The following MAL variants were observed in gnomAD, a reference collection of about 807,000 sequenced individuals.
The protein encoded by MAL is mal, T cell differentiation protein (MAL blood group).
Under a neutral mutation model 16.7 loss-of-function variants are expected in MAL, and 5 were observed. That is an observed-to-expected ratio of 0.30 (90% CI 0.16 to 0.63). The LOEUF is 0.63. Among genes scored for constraint, MAL ranks in the 30% least tolerant of loss-of-function variants. MAL has a pLI of 0.82. For synonymous variants in MAL, 96 were observed against 85.5 expected, an observed-to-expected ratio of 1.12 and a Z score of -0.67; for missense variants, 202 against 195.8, an observed-to-expected ratio of 1.03 and a Z score of -0.19.
chr2:95,041,133 C>T (rs1558659980), intron 1 of MAL, among the ~76,000 whole-genome samples: 1 of 152,188 alleles, frequency 6.6e-6, no homozygotes, highest in Non-Finnish European at 1.5e-5. Flanking sequence ...CTCTGTTACC[C>T]AGCCCTGCAG....
chr2:95,026,133 G>T (rs1287048835), intron 1 of MAL, among the ~76,000 whole-genome samples: 6 of 152,174 alleles, frequency 3.9e-5, no homozygotes, highest in African/African-American at 1.4e-4. Flanking sequence ...TCCCAACTGG[G>T]GTCAGATGTA....
intron 1 of MAL, among the ~76,000 whole-genome samples, chr2:95,029,738 A>G (rs1049130702): frequency 1.3e-5 from 2 of 152,176 alleles, no homozygotes; most frequent in African/African-American, 4.8e-5. Context: ...ATGTTTAATT[A>G]AGTTCAAGAC....
intron 2 of MAL, 66 bp from the exon 3 acceptor site, chr2:95,049,515 C>T: frequency 2.5e-6 from 4 of 1,595,590 alleles, no homozygotes; most frequent in Non-Finnish European, 3.4e-6. Flanking sequence ...GTGGAGGGGA[C>T]CTCAGCTCTG....
At chr2:95,046,896 A>G (rs1436732940) in intron 1 of MAL, among the ~76,000 whole-genome samples, 9 of 151,092 alleles carry the variant, frequency 6.0e-5, no homozygotes, top group African/African-American at 2.2e-4. Context: ...AGAGAAAAGA[A>G]AGAGAGAGAG....
At chr2:95,026,883 C>T (rs1465600876) in intron 1 of MAL, among the ~76,000 whole-genome samples, 1 of 152,082 alleles carries the variant, frequency 6.6e-6, no homozygotes, top group Non-Finnish European at 1.5e-5. Flanking sequence ...AATTGGACCC[C>T]AGGTTGTTAT....
At chr2:95,049,906 C>T (rs1385051084) in intron 3 of MAL, among the ~76,000 whole-genome samples, 200 bp downstream of exon 3, 3 of 152,134 alleles carry the variant, frequency 2.0e-5, no homozygotes, top group Admixed American at 6.5e-5. Context: ...CTTAGTCGTC[C>T]GGCCAGGGCT....
intron 1 of MAL, among the ~76,000 whole-genome samples, chr2:95,038,356 G>C (rs1354328248): frequency 2.6e-5 from 4 of 152,054 alleles, no homozygotes; most frequent in Non-Finnish European, 4.4e-5. Context: ...AACTGAGTGA[G>C]TGAGTGGCTA....
chr2:95,037,646 A>C (rs1446812889), intron 1 of MAL, among the ~76,000 whole-genome samples: 1 of 74,726 alleles, frequency 1.3e-5, no homozygotes, highest in Non-Finnish European at 2.7e-5. Context: ...GTGAGTGAGC[A>C]AGCGAGTGAG....
At chr2:95,040,122 TACAC>T (rs140877183) in intron 1 of MAL, among the ~76,000 whole-genome samples, 35 of 149,992 alleles carry the variant, frequency 2.3e-4, no homozygotes, top group African/African-American at 3.2e-4. Flanking sequence ...TCTACCTACC[TACAC>T]ACACACACAC....
rs1230068556 is a variant in MAL, at chr2:95,046,958, A to G, written c.94-1001A>G. Among the ~76,000 whole-genome samples the G allele has an allele frequency of 5.3e-5, 8 of 150,114 alleles. No homozygotes were observed. The East Asian group carries it at 1.2e-3, about 22-fold the overall frequency. On this transcript the variant is annotated intron_variant, in intron 1 of 3. Coordinates refer to ENST00000309988, the MANE Select transcript of MAL (RefSeq NM_002371.4). ...AGAGAAAGAAAGAAAGAGAAAAAAG[A>G]AAGAAAGAAAGAAGAAAGAAAGAAA... is the stretch of plus-strand genomic sequence containing the variant.
At chr2:95,036,797 C>CTGAGTGTG (rs1232879371) in intron 1 of MAL, among the ~76,000 whole-genome samples, 1 of 121,622 alleles carries the variant, frequency 8.2e-6, no homozygotes, top group Admixed American at 8.1e-5. Flanking sequence ...GACTGAGTGA[C>CTGAGTGTG]TGAGTGTGTG....
chr2:95,037,958 GACT>G (rs1674290291), intron 1 of MAL, among the ~76,000 whole-genome samples: 1 of 150,954 alleles, frequency 6.6e-6, no homozygotes, highest in Admixed American at 6.6e-5. Context: ...GTGAGTGAGT[GACT>G]GAGTGAGTGA....
At position 95,048,062 on chromosome 2, in the gene MAL, C is replaced by T; in HGVS notation, c.197C>T (p.Thr66Ile). Residue 66 changes from threonine to isoleucine, a missense_variant, in exon 2 of 4, where the codon ACC becomes ATC. Physicochemically the swap from Thr to Ile is moderately conservative, Grantham distance 89. Coordinates refer to ENST00000309988, the MANE Select transcript of MAL (RefSeq NM_002371.4). ...MFVSVFCFVA[T>I]TTLIILYIIG... is the part of the protein sequence containing the mutation. The stretch of plus-strand genomic sequence containing the variant: ...GTGTCTGTGTTCTGCTTCGTGGCCA[C>T]CACCACCTTGATCATCCTGTACATA... 3 of 1,613,870 alleles carry T rather than the reference C, an allele frequency of 1.9e-6. No individual in the cohort carries two copies. The highest frequency in any genetic ancestry group is 1.7e-6 in the Non-Finnish European group (2 of 1,179,822).
intron 2 of MAL, 47 bp downstream of exon 2, chr2:95,048,173 G>C (rs761387881): frequency 1.3e-6 from 2 of 1,542,210 alleles, no homozygotes; most frequent in South Asian, 1.1e-5. Context: ...GGCGCAGGAA[G>C]TACTGGTCCC....
chr2:95,053,554 G>T lies in MAL; in HGVS notation c.*99G>T. ...GAAAACAGAAATGCCCTTGATGGTG[G>T]AAAAAAGAAAACAACCACCCCCCCA... is the stretch of plus-strand genomic sequence containing the variant. On this transcript the variant is annotated 3_prime_UTR_variant, in exon 4 of 4. Transcript: ENST00000309988. 3 of 931,148 alleles carry T rather than the reference G, an allele frequency of 3.2e-6. No homozygotes were observed. Among genetic ancestry groups the T allele is most frequent in the African/African-American group, 1.7e-5 (1 of 60,012 alleles). The allele number at this position is 931,148 out of a possible 1,614,324, so 57.7% of individuals were successfully genotyped here. A position where few individuals can be genotyped will look rare whatever the true frequency, so the allele number is the denominator to read the frequency against.
At chr2:95,028,125 G>A (rs1435461224) in intron 1 of MAL, among the ~76,000 whole-genome samples, 13 of 145,792 alleles carry the variant, frequency 8.9e-5, no homozygotes, top group Non-Finnish European at 1.9e-4. Context: ...TGACCAACAT[G>A]GTGAAACCCC....
intron 3 of MAL, among the ~76,000 whole-genome samples, chr2:95,050,772 C>T (rs1367759303): frequency 6.6e-6 from 1 of 151,044 alleles, no homozygotes; most frequent in Non-Finnish European, 1.5e-5. Context: ...ATCCTGGCAT[C>T]CCCCCAGGGG....
chr2:95,026,517 G>T (rs1378128217), intron 1 of MAL: 1 of 126,582 alleles, frequency 7.9e-6, no homozygotes, highest in Non-Finnish European at 1.7e-5. Context: ...GGGGTGGGGG[G>T]TGGGGGGTGG....
intron 1 of MAL, chr2:95,044,390 CT>C (rs1347710844): frequency 7.9e-5 from 12 of 152,320 alleles, no homozygotes; most frequent in Non-Finnish European, 1.3e-4. Flanking sequence ...AATGGGGGAA[CT>C]GCATGGGCTG....
Sources: allele counts gnomAD v4.1 joint callset (sites outside exome capture counted in the v4.1 genomes callset), GRCh38; gene constraint gnomAD v4.1.1; transcripts MANE v1.5; gene names NCBI Gene and HGNC (gene_info 2026-07-23, HGNC 2026-07-21).